Variants in PCDHGB5 observed in about 807,000 individuals in gnomAD.
PCDHGB5 encodes protocadherin gamma subfamily B, 5.
A neutral mutation model predicts 62.9 loss-of-function variants in PCDHGB5; 48 were observed. The ratio of observed to expected loss-of-function variants is 0.76; its 90% CI spans 0.61 to 0.97. The LOEUF is 0.97. Ranked by LOEUF, PCDHGB5 falls within the 50% of genes least tolerant of loss-of-function variation. The pLI is 0.00. For missense variants in PCDHGB5, 1,118 were observed against 1,198.6 expected, an observed-to-expected ratio of 0.93 and a Z score of 0.99; for synonymous variants, 474 against 511.2, an observed-to-expected ratio of 0.93 and a Z score of 0.98.
intron 1 of PCDHGB5, chr5:141,403,246 G>C: frequency 6.2e-7 from 1 of 1,613,930 alleles, no homozygotes; most frequent in South Asian, 1.1e-5. Flanking sequence ...TCTGTGCTCA[G>C]AGCCCGCGGT....
At chr5:141,448,786 A>G (rs1354591718) in intron 1 of PCDHGB5, among the ~76,000 whole-genome samples, 1 of 148,848 alleles carries the variant, frequency 6.7e-6, no homozygotes, top group African/African-American at 2.5e-5. Context: ...TAAAAATACA[A>G]AAAAAAAAAT....
chr5:141,417,940 C>T (rs757819377), intron 1 of PCDHGB5: 2 of 1,613,054 alleles, frequency 1.2e-6, no homozygotes, highest in South Asian at 1.1e-5. Context: ...TGTTCTACCC[C>T]ACGCTGTGTG....
rs775132338 is a variant in PCDHGB5 at position 141,490,858 on chromosome 5, G to A, written c.2398-3949G>A. On this transcript the variant is annotated intron_variant, in intron 1 of 3. Coordinates refer to ENST00000617380, the MANE Select transcript of PCDHGB5 (RefSeq NM_018925.3). This position sits in a 1 kb window ranked among gnomAD's most constrained non-coding sequence, Gnocchi z 5.4. Reference sequence around the variant, plus strand: ...GATTGTGGTGGGGGTTCGAGACTCCGGCTCTCCCCCATTGCATGCCAACAC... The same window carrying A: ...GATTGTGGTGGGGGTTCGAGACTCCAGCTCTCCCCCATTGCATGCCAACAC... 14 of 1,613,704 alleles carry A rather than the reference G, an allele frequency of 8.7e-6. No homozygotes were observed. Among genetic ancestry groups the A allele is most frequent in the South Asian group, 2.2e-5 (2 of 91,068 alleles).
chr5:141,464,824 G>A (rs1329087889), intron 1 of PCDHGB5, among the ~76,000 whole-genome samples: 2 of 151,816 alleles, frequency 1.3e-5, no homozygotes, highest in African/African-American at 2.4e-5. Context: ...CTGTAGCCTC[G>A]CACTCCTGGG....
intron 1 of PCDHGB5, chr5:141,413,826 C>G (rs1363449): frequency 6.2e-7 from 1 of 1,613,180 alleles, no homozygotes; most frequent in Non-Finnish European, 8.5e-7. Flanking sequence ...TGGTCCTCAC[C>G]GCCTCCGACG....
At chr5:141,403,715 G>A in intron 1 of PCDHGB5, 3 of 1,613,898 alleles carry the variant, frequency 1.9e-6, no homozygotes, top group Non-Finnish European at 2.5e-6. Flanking sequence ...CCTTGAGAAC[G>A]TGCCCCCAGG....
intron 1 of PCDHGB5, chr5:141,423,189 T>A (rs2096719374): frequency 1.2e-6 from 2 of 1,613,562 alleles, no homozygotes; most frequent in Non-Finnish European, 8.5e-7. Flanking sequence ...GCCAGCCCCC[T>A]CTCTCGGCCA....
intron 1 of PCDHGB5, chr5:141,426,760 C>T (rs935248232): frequency 4.4e-6 from 2 of 456,284 alleles, no homozygotes; most frequent in African/African-American, 4.0e-5. Context: ...GCTATAGATG[C>T]AGATGTAGGG....
At chr5:141,497,983 C>T (rs2099780927) in intron 2 of PCDHGB5, among the ~76,000 whole-genome samples, 1 of 152,168 alleles carries the variant, frequency 6.6e-6, no homozygotes, top group African/African-American at 2.4e-5. Context: ...GTGGGAGGCC[C>T]CTGCCCTCAA....
rs568542355 is a variant in PCDHGB5, at chr5:141,431,678, T to C, written c.2397+31154T>C. 4 of 1,614,084 alleles carry C rather than the reference T, an allele frequency of 2.5e-6. No individual in the cohort carries two copies. Among genetic ancestry groups the C allele is most frequent in the African/African-American group, 2.7e-5 (2 of 75,012 alleles). ...AGGGACAATATCAACAATAGGGGAG[T>C]TGGACCACGAGGAGTCAGGATTCTA... On this transcript the variant is annotated intron_variant, in intron 1 of 3. Transcript: ENST00000617380. The surrounding 1 kb of genome is among the most constrained non-coding windows in gnomAD (Gnocchi z 4.8).
intron 1 of PCDHGB5, chr5:141,423,465 G>T: frequency 6.2e-7 from 1 of 1,614,006 alleles, no homozygotes; most frequent in South Asian, 1.1e-5. Context: ...GCGTGGACGG[G>T]GTACAGGCTT....
chr5:141,421,811 T>A, intron 1 of PCDHGB5: 1 of 1,613,766 alleles, frequency 6.2e-7, no homozygotes, highest in Non-Finnish European at 8.5e-7. Flanking sequence ...AATCCAGAGC[T>A]AGTACTGGAG....
At chr5:141,418,163 T>G in intron 1 of PCDHGB5, 1 of 1,614,002 alleles carries the variant, frequency 6.2e-7, no homozygotes, top group Non-Finnish European at 8.5e-7. Context: ...GAGAAGAAGA[T>G]GTGAGTTGCA....
intron 1 of PCDHGB5, chr5:141,413,323 G>A (rs1221252167): frequency 2.5e-6 from 4 of 1,613,840 alleles, no homozygotes; most frequent in Non-Finnish European, 3.4e-6. Flanking sequence ...CTCTTTCGTG[G>A]GCAACATCTC....
At position 141,427,172 on chromosome 5, in the gene PCDHGB5, TG is replaced by T. The variant is rs757372749; in HGVS notation, c.2397+26652del. ...ATATGTTTGTGCTAGACCATCAAAA[TG>T]GGGAAATTAAATCCAAAGACTTAAT... On this transcript the variant is annotated intron_variant, in intron 1 of 3. Coordinates refer to ENST00000617380, the MANE Select transcript of PCDHGB5 (RefSeq NM_018925.3). The T allele has an allele frequency of 3.9e-5, 18 of 456,596 alleles. 1 individual carries two copies. The highest frequency in any genetic ancestry group is 2.6e-4 in the South Asian group (17 of 64,568). 28.3% of individuals were successfully genotyped at this position (456,596 alleles called of 1,614,324 possible). A position where few individuals can be genotyped will look rare whatever the true frequency, so the allele number is the denominator to read the frequency against.
chr5:141,403,182 T>G (rs1458009956), intron 1 of PCDHGB5: 1 of 1,613,858 alleles, frequency 6.2e-7, no homozygotes, highest in Non-Finnish European at 8.5e-7. Context: ...CTTTTCTCTC[T>G]GAACCCGCGC....
At chr5:141,421,144 G>A (rs1241874764) in intron 1 of PCDHGB5, 1 of 999,180 alleles carries the variant, frequency 1.0e-6, no homozygotes, top group African/African-American at 1.6e-5. Flanking sequence ...TTTGGATGTA[G>A]TCGGCCTAGG....
At chr5:141,508,896 C>A (rs1171693212) in intron 3 of PCDHGB5, among the ~76,000 whole-genome samples, 1 of 151,862 alleles carries the variant, frequency 6.6e-6, no homozygotes, top group Non-Finnish European at 1.5e-5. Context: ...GGGGAGGGGG[C>A]GGGGCGGTGG....
In PCDHGB5 at chr5:141,487,472, G is replaced by A. The variant is rs2099645737; in HGVS notation, c.2398-7335G>A. The A allele has an allele frequency of 2.5e-6, 4 of 1,614,178 alleles. No individual in the cohort carries two copies. Among genetic ancestry groups the A allele is most frequent in the Non-Finnish European group, 3.4e-6 (4 of 1,180,036 alleles). Reference sequence around the variant, plus strand: ...CCCTATCAAGTTTGTTGATGTGGGAGGCCACTCTCATGGCTGTACACCCTT... The same window carrying A: ...CCCTATCAAGTTTGTTGATGTGGGAAGCCACTCTCATGGCTGTACACCCTT... On this transcript the variant is annotated intron_variant, in intron 1 of 3. Coordinates refer to ENST00000617380, the MANE Select transcript of PCDHGB5 (RefSeq NM_018925.3). This position sits in a 1 kb window ranked among gnomAD's most constrained non-coding sequence, Gnocchi z 5.0.
Sources: gnomAD v4.1 joint callset for allele counts (sites outside exome capture counted in the v4.1 genomes callset) on GRCh38, gnomAD v4.1.1 for gene constraint, Gnocchi (gnomAD v3.1) non-coding constraint, MANE v1.5 for transcripts, NCBI Gene and HGNC (gene_info 2026-07-23, HGNC 2026-07-21) for gene names.